Variants in OXR1 observed in about 807,000 individuals in gnomAD.
OXR1 encodes oxidation resistance protein 1.
Under a neutral mutation model 104.6 loss-of-function variants are expected in OXR1, and 41 were observed. The ratio of observed to expected loss-of-function variants is 0.39; its 90% confidence interval spans 0.31 to 0.51. OXR1 has a LOEUF of 0.51. Among genes scored for constraint, OXR1 ranks in the 20% least tolerant of loss-of-function variants. The pLI is 0.77. For missense variants in OXR1, 955 were observed against 1,031.9 expected (o/e 0.93, Z 1.02); for synonymous variants, 348 against 348.4 (o/e 1.00, Z 0.01).
At chr8:106,652,730 A>C (rs1302213726) in intron 3 of OXR1, among the ~76,000 whole-genome samples, 2 of 151,800 alleles carry the variant, frequency 1.3e-5, no homozygotes, top group African/African-American at 4.8e-5. Flanking sequence ...GGGAAATAGA[A>C]GATACTAAAC....
rs550862564 is a variant in OXR1, at chr8:106,699,985, T to C, written c.676-2921T>C. ...TCCCAATTATAATGATTTTATCTCT[T>C]AGTATTTGCAGAAATATTGTAATGT... On this transcript the variant is annotated intron_variant, in intron 7 of 16. Coordinates refer to ENST00000517566, the MANE Select transcript of OXR1 (RefSeq NM_001198533.2). Among the ~76,000 whole-genome samples, 6 of 152,294 alleles carry C rather than the reference T, an allele frequency of 3.9e-5. No homozygotes were observed. In the East Asian group the frequency reaches 1.2e-3, roughly 29 times the overall value.
intron 11 of OXR1, among the ~76,000 whole-genome samples, chr8:106,722,818 G>A (rs1038666474): frequency 3.3e-5 from 5 of 152,268 alleles, no homozygotes; most frequent in Middle Eastern, 3.4e-3. Flanking sequence ...TGTGATATAT[G>A]ACTATATTTC....
intron 7 of OXR1, among the ~76,000 whole-genome samples, chr8:106,700,101 A>G (rs1830453643): frequency 6.6e-6 from 1 of 152,130 alleles, no homozygotes; most frequent in Non-Finnish European, 1.5e-5. Flanking sequence ...TAGTCAGGTA[A>G]TTGCACGTAA....
intron 3 of OXR1, among the ~76,000 whole-genome samples, chr8:106,608,311 A>T (rs1473829789): frequency 6.6e-6 from 1 of 152,046 alleles, no homozygotes; most frequent in Non-Finnish European, 1.5e-5. Flanking sequence ...AAAGCAAAAA[A>T]CAAACAAACA....
chr8:106,317,260 CT>C (rs1469453924), intron 1 of OXR1, among the ~76,000 whole-genome samples: 2 of 152,080 alleles, frequency 1.3e-5, no homozygotes, highest in Non-Finnish European at 2.9e-5. Flanking sequence ...CTGAATCATG[CT>C]GTGAGGGGCA....
intron 1 of OXR1, among the ~76,000 whole-genome samples, chr8:106,344,225 GCTGCTTGCAGCAGATAT>G (rs1815381445): frequency 6.6e-6 from 1 of 152,076 alleles, no homozygotes; most frequent in South Asian, 2.1e-4. Flanking sequence ...TAAGTCCCCA[GCTGCTTGCAGCAGATAT>G]CTGCTTCCCA....
chr8:106,521,193 TACAAA>T (rs1813229952), intron 3 of OXR1, among the ~76,000 whole-genome samples: 1 of 152,204 alleles, frequency 6.6e-6, no homozygotes, highest in African/African-American at 2.4e-5. Flanking sequence ...AAGTTCCCTT[TACAAA>T]ACAAATGTAC....
intron 3 of OXR1, among the ~76,000 whole-genome samples, chr8:106,587,789 T>G (rs946167125): frequency 6.6e-6 from 1 of 152,150 alleles, no homozygotes; most frequent in Admixed American, 6.5e-5. Flanking sequence ...ACATTAATAT[T>G]TGAATCACTG....
chr8:106,586,404 C>T (rs1818633329), intron 3 of OXR1, among the ~76,000 whole-genome samples: 1 of 152,158 alleles, frequency 6.6e-6, no homozygotes, highest in East Asian at 1.9e-4. Flanking sequence ...ATGGATTTGA[C>T]CTCACATACA....
intron 2 of OXR1, among the ~76,000 whole-genome samples, chr8:106,429,864 T>G (rs1819289115): frequency 6.6e-6 from 1 of 152,198 alleles, no homozygotes; most frequent in African/African-American, 2.4e-5. Context: ...TTAGGTCAAA[T>G]TTATGAATAT....
At chr8:106,271,188 C>T (rs961608486) in intron 1 of OXR1, among the ~76,000 whole-genome samples, 1 of 152,062 alleles carries the variant, frequency 6.6e-6, no homozygotes, top group Non-Finnish European at 1.5e-5. Context: ...CGTGCCGCCC[C>T]TTGAATAGTG....
intron 1 of OXR1, among the ~76,000 whole-genome samples, chr8:106,298,923 ATG>A (rs36103627): frequency 6.0e-5 from 9 of 150,042 alleles, no homozygotes; most frequent in South Asian, 2.1e-4. Flanking sequence ...TTATATATAT[ATG>A]TGTGTGTGTG....
intron 1 of OXR1, among the ~76,000 whole-genome samples, chr8:106,308,041 A>C (rs924744802): frequency 6.6e-6 from 1 of 151,724 alleles, no homozygotes; most frequent in African/African-American, 2.4e-5. Context: ...CACACACAGA[A>C]ATTTATTAAA....
chr8:106,747,213 A>T (rs1413089841), intron 16 of OXR1, among the ~76,000 whole-genome samples: 1 of 152,208 alleles, frequency 6.6e-6, no homozygotes, highest in Non-Finnish European at 1.5e-5. Flanking sequence ...TGGTACCTTG[A>T]GCAAACTCCT....
intron 3 of OXR1, among the ~76,000 whole-genome samples, chr8:106,669,607 A>G (rs1233630269): frequency 6.6e-6 from 1 of 152,060 alleles, no homozygotes; most frequent in Non-Finnish European, 1.5e-5. Flanking sequence ...AAGTTTTAGT[A>G]TCTATATTAC....
intron 3 of OXR1, among the ~76,000 whole-genome samples, chr8:106,581,892 C>T (rs974285942): frequency 1.3e-5 from 2 of 151,398 alleles, no homozygotes; most frequent in Non-Finnish European, 2.9e-5. Context: ...AGTGTGGTGG[C>T]AGGTGCTTGT....
chr8:106,450,306 T>G (rs572985156), intron 2 of OXR1, among the ~76,000 whole-genome samples: 1 of 152,184 alleles, frequency 6.6e-6, no homozygotes, highest in Non-Finnish European at 1.5e-5. Flanking sequence ...CTTAAATTAC[T>G]CCATATCACC....
At position 106,706,107 on chromosome 8, in the gene OXR1, T is replaced by C. The variant is rs556763706; in HGVS notation, c.861-275T>C. ...TGTCATCAAGTTCCCTTCAAGTGGA[T>C]TACTTGCAAGGAAATCTTACTTTGA... is the stretch of plus-strand genomic sequence containing the variant. On this transcript the variant is annotated intron_variant, in intron 8 of 16. Coordinates refer to ENST00000517566, the MANE Select transcript of OXR1 (RefSeq NM_001198533.2). Among the ~76,000 whole-genome samples the C allele has an allele frequency of 6.4e-4, 98 of 152,314 alleles. 1 individual carries two copies. The highest frequency in any genetic ancestry group is 2.2e-3 in the African/African-American group (93 of 41,584).
At chr8:106,482,343 A>G (rs1822176472) in intron 2 of OXR1, among the ~76,000 whole-genome samples, 1 of 151,576 alleles carries the variant, frequency 6.6e-6, no homozygotes, top group South Asian at 2.1e-4. Context: ...ATTCAAGTAA[A>G]TGTTTTAGCA....
Sources: allele counts gnomAD v4.1 joint callset (sites outside exome capture counted in the v4.1 genomes callset), GRCh38; gene constraint gnomAD v4.1.1; transcripts MANE v1.5; gene names NCBI Gene and HGNC (gene_info 2026-07-23, HGNC 2026-07-21).